The following SLC26A4 variants were observed in gnomAD, a reference collection of about 807,000 sequenced individuals.
SLC26A4 encodes pendrin.
Under a neutral mutation model 90.4 loss-of-function variants are expected in SLC26A4, and 93 were observed. The observed-to-expected ratio is 1.03, with a 90% CI of 0.87 to 1.22. The LOEUF (loss-of-function observed/expected upper bound fraction) is 1.22. Ranked by LOEUF, SLC26A4 falls within the 50% of genes most tolerant of loss-of-function variation. The pLI, the probability that SLC26A4 is intolerant of heterozygous loss-of-function variation, is 0.00. For missense variants in SLC26A4, 1,127 were observed against 946.2 expected (o/e 1.19, Z -2.51); for synonymous variants, 393 against 354.6 (o/e 1.11, Z -1.22).
rs564211469 is a variant in SLC26A4, at chr7:107,682,199, T to A, written c.766-1003T>A. Among the ~76,000 whole-genome samples the A allele has an allele frequency of 2.0e-5, 3 of 151,666 alleles. No individual in the cohort carries two copies. The East Asian group carries it at 5.8e-4, about 29-fold the overall frequency. On this transcript the variant is annotated intron_variant, in intron 6 of 20. Transcript: ENST00000644269. ...AGTACCAAATTTATTCCCAAAAATG[T>A]ATGCTTGTCAGGAGATATACCTAAT...
intron 10 of SLC26A4, among the ~76,000 whole-genome samples, chr7:107,690,937 A>G (rs1791550174): frequency 6.6e-6 from 1 of 152,028 alleles, no homozygotes; most frequent in East Asian, 1.9e-4. Flanking sequence ...AGCAGGACAC[A>G]GTCGAAGAGA....
At chr7:107,704,760 G>A (rs1436500454) in intron 18 of SLC26A4, among the ~76,000 whole-genome samples, 1 of 152,192 alleles carries the variant, frequency 6.6e-6, no homozygotes, top group Non-Finnish European at 1.5e-5. Context: ...GAGGATTATT[G>A]CAGAGGAAGC....
At chr7:107,663,828 C>T (rs139836154) in intron 3 of SLC26A4, among the ~76,000 whole-genome samples, 2 of 151,904 alleles carry the variant, frequency 1.3e-5, no homozygotes, top group East Asian at 1.9e-4. Context: ...GGACTACAGG[C>T]GCCCGCCACT....
intron 20 of SLC26A4, among the ~76,000 whole-genome samples, chr7:107,713,599 C>G (rs1584347676): frequency 6.6e-6 from 1 of 152,328 alleles, no homozygotes; most frequent in East Asian, 1.9e-4. Flanking sequence ...GATGGGGACA[C>G]AAAACCCTAA....
At chr7:107,692,145 T>C in intron 10 of SLC26A4, 1 of 1,187,990 alleles carries the variant, frequency 8.4e-7, no homozygotes. Flanking sequence ...TCTGGTAAGC[T>C]AATACCCCCT....
intron 8 of SLC26A4, among the ~76,000 whole-genome samples, chr7:107,686,570 C>T (rs1169209926): frequency 2.0e-5 from 3 of 151,870 alleles, no homozygotes; most frequent in African/African-American, 4.8e-5. Flanking sequence ...TCACTGCAAC[C>T]TCTGCCTCCC....
chr7:107,661,919 C>T lies in SLC26A4; in HGVS notation c.164+114C>T, dbSNP rs1429180395. The T allele has an allele frequency of 1.1e-5, 13 of 1,210,156 alleles. No individual in the cohort carries two copies. The East Asian group carries it at 3.1e-4, about 29-fold the overall frequency. 75.0% of individuals were successfully genotyped at this position (1,210,156 alleles called of 1,614,324 possible). On this transcript the variant is annotated intron_variant, in intron 2 of 20. Coordinates refer to ENST00000644269, the MANE Select transcript of SLC26A4 (RefSeq NM_000441.2). The surrounding 1 kb of genome is among the most constrained non-coding windows in gnomAD (Gnocchi z 5.1). Reference sequence around the variant, plus strand: ...GGGTGCGGGCGGCGGAGCCCCTGGGCGCCAGCTGCTTCTCCCAGAGGCCCG... The same window carrying T: ...GGGTGCGGGCGGCGGAGCCCCTGGGTGCCAGCTGCTTCTCCCAGAGGCCCG...
intron 18 of SLC26A4, among the ~76,000 whole-genome samples, chr7:107,709,369 C>A (rs1467290395): frequency 1.3e-5 from 2 of 152,206 alleles, no homozygotes; most frequent in African/African-American, 4.8e-5. Context: ...AACTCCTGGG[C>A]TCAAGTGATC....
chr7:107,698,680 A>T (rs1791809744), intron 14 of SLC26A4, among the ~76,000 whole-genome samples: 1 of 152,212 alleles, frequency 6.6e-6, no homozygotes. Context: ...GGCAATTTCT[A>T]GATGTTCATC....
At chr7:107,705,641 G>GA (rs1288318564) in intron 18 of SLC26A4, among the ~76,000 whole-genome samples, 3 of 110,968 alleles carry the variant, frequency 2.7e-5, no homozygotes, top group African/African-American at 1.2e-4. Flanking sequence ...TTCCATGACT[G>GA]GTTAAATTAA....
intron 10 of SLC26A4, chr7:107,692,887 A>C (rs1489827992): frequency 6.6e-6 from 1 of 152,206 alleles, no homozygotes; most frequent in Non-Finnish European, 1.5e-5. Context: ...TATAGTGGCC[A>C]AAATGAGCCT....
rs1368808520 is a variant in SLC26A4, at chr7:107,715,967, G to A, written c.*521G>A. On this transcript the variant is annotated 3_prime_UTR_variant, in exon 21 of 21. Coordinates refer to ENST00000644269, the MANE Select transcript of SLC26A4 (RefSeq NM_000441.2). Reference sequence around the variant, plus strand: ...GATAATAAATTGGAGTTTTAAAAATGCAAATTTGCTTAGTATCTAATAATG... The same window carrying A: ...GATAATAAATTGGAGTTTTAAAAATACAAATTTGCTTAGTATCTAATAATG... 6.5e-6 allele frequency: 1 copy of A among 154,668 alleles called. No homozygotes were observed. Among genetic ancestry groups the A allele is most frequent in the African/African-American group, 2.4e-5 (1 of 41,446 alleles). 9.6% of individuals were successfully genotyped at this position (154,668 alleles called of 1,614,324 possible). A position where few individuals can be genotyped will look rare whatever the true frequency, so the allele number is the denominator to read the frequency against.
chr7:107,687,282 A>G (rs766009008), intron 8 of SLC26A4, among the ~76,000 whole-genome samples: 5 of 152,228 alleles, frequency 3.3e-5, no homozygotes, highest in Non-Finnish European at 7.3e-5. Flanking sequence ...GAAGGAGGGC[A>G]AGGGCAAGGG....
In SLC26A4 at chr7:107,669,078, C is replaced by A. The variant is rs572159000; in HGVS notation, c.305-3060C>A. On this transcript the variant is annotated intron_variant, in intron 3 of 20. Transcript: ENST00000644269. Reference sequence around the variant, plus strand: ...GTTCAAACTATCCTTGTGCCTCAGCCTCCTCAGTAGCTGAAATTACAGGCA... The same window carrying A: ...GTTCAAACTATCCTTGTGCCTCAGCATCCTCAGTAGCTGAAATTACAGGCA... 6.6e-5 allele frequency among the ~76,000 whole-genome samples: 10 copies of A among 152,194 alleles called. 1 individual carries two copies. In the Middle Eastern group the frequency reaches 0.014, roughly 207 times the overall value.
At chr7:107,683,608 C>T (rs1168601498) in intron 8 of SLC26A4, 71 bp downstream of exon 8, 8 of 1,196,350 alleles carry the variant, frequency 6.7e-6, no homozygotes, top group Admixed American at 1.8e-5. Flanking sequence ...TAAATAAAAC[C>T]TTTTATTACA....
intron 2 of SLC26A4, 139 bp from the exon 3 acceptor site, chr7:107,663,157 G>T: frequency 2.0e-6 from 2 of 980,200 alleles, no homozygotes; most frequent in Non-Finnish European, 1.6e-6. Context: ...GCACTTCAGG[G>T]TTATTATTTT....
intron 19 of SLC26A4, 102 bp downstream of exon 19, chr7:107,710,301 C>T (rs950625614): frequency 1.0e-5 from 9 of 891,980 alleles, no homozygotes; most frequent in Non-Finnish European, 1.7e-5. Context: ...GAATTTTAAG[C>T]TACCTATATA....
intron 19 of SLC26A4, among the ~76,000 whole-genome samples, chr7:107,710,749 C>T (rs1792162824): frequency 6.6e-6 from 1 of 152,176 alleles, no homozygotes; most frequent in Non-Finnish European, 1.5e-5. Flanking sequence ...AGAATAGGCC[C>T]TGATTTCCCA....
At chr7:107,682,247 G>C (rs1791261014) in intron 6 of SLC26A4, among the ~76,000 whole-genome samples, 1 of 151,674 alleles carries the variant, frequency 6.6e-6, no homozygotes, top group South Asian at 2.1e-4. Context: ...GTTAATGGGT[G>C]CAGTACACCA....
Sources: gnomAD v4.1 joint callset for allele counts (sites outside exome capture counted in the v4.1 genomes callset) on GRCh38, gnomAD v4.1.1 for gene constraint, Gnocchi (gnomAD v3.1) non-coding constraint, MANE v1.5 for transcripts, NCBI Gene and HGNC (gene_info 2026-07-23, HGNC 2026-07-21) for gene names.